Variants in SP4 observed in about 807,000 individuals in gnomAD.
SP4 encodes transcription factor Sp4.
SP4 carries 19 observed loss-of-function variants against 72.8 expected under a neutral mutation model. That is an observed-to-expected ratio of 0.26 (90% CI 0.18 to 0.38). The LOEUF (loss-of-function observed/expected upper bound fraction) is 0.38, where lower values mean the gene tolerates loss of function less well. Among genes scored for constraint, SP4 ranks in the 10% least tolerant of loss-of-function variants. The pLI, the probability that SP4 is intolerant of heterozygous loss-of-function variation, is 1.00. For missense variants in SP4, 1,008 were observed against 926.3 expected (o/e 1.09, Z -1.14); for synonymous variants, 395 against 333.1 (o/e 1.19, Z -2.02).
chr7:21,490,393 C>T (rs1022802993), intron 5 of SP4, among the ~76,000 whole-genome samples: 3 of 152,142 alleles, frequency 2.0e-5, no homozygotes, highest in Admixed American at 6.5e-5. Context: ...GCAGCTTAGG[C>T]ACCAAAAAAT....
At chr7:21,435,613 G>T (rs1160498256) in intron 3 of SP4, among the ~76,000 whole-genome samples, 2 of 152,074 alleles carry the variant, frequency 1.3e-5, no homozygotes, top group Non-Finnish European at 2.9e-5. Context: ...ATGTACTCCT[G>T]TGTTTGGCTA....
At chr7:21,447,949 G>A (rs1251754235) in intron 3 of SP4, among the ~76,000 whole-genome samples, 1 of 152,168 alleles carries the variant, frequency 6.6e-6, no homozygotes, top group African/African-American at 2.4e-5. Context: ...CTCCCAAAGT[G>A]CTGGGATTAC....
At chr7:21,510,059 C>T (rs909801614) in intron 5 of SP4, among the ~76,000 whole-genome samples, 2 of 152,180 alleles carry the variant, frequency 1.3e-5, no homozygotes, top group South Asian at 4.1e-4. Flanking sequence ...TTCTCAAGAA[C>T]AGTATGGGGA....
chr7:21,448,352 C>T (rs1022855930), intron 3 of SP4, among the ~76,000 whole-genome samples: 3 of 152,056 alleles, frequency 2.0e-5, no homozygotes, highest in Admixed American at 6.5e-5. Context: ...ATTAAGAATC[C>T]TACTGTTTTT....
intron 5 of SP4, among the ~76,000 whole-genome samples, chr7:21,488,419 T>C (rs928370573): frequency 2.0e-5 from 3 of 152,142 alleles, no homozygotes; most frequent in Admixed American, 6.5e-5. Flanking sequence ...TCCTTGACAA[T>C]TTATTTTCTA....
intron 3 of SP4, chr7:21,471,206 C>T: frequency 2.0e-6 from 1 of 500,638 alleles, no homozygotes; most frequent in South Asian, 1.5e-5. Context: ...ATGTACTATG[C>T]TAAGAAATAC....
chr7:21,493,956 G>T (rs115363356), intron 5 of SP4, among the ~76,000 whole-genome samples: 2 of 152,086 alleles, frequency 1.3e-5, no homozygotes, highest in Non-Finnish European at 2.9e-5. Context: ...GCATTGTTAC[G>T]TAGTACAGTT....
intron 3 of SP4, among the ~76,000 whole-genome samples, chr7:21,434,893 T>TA (rs1390306458): frequency 6.6e-5 from 10 of 152,282 alleles, no homozygotes; most frequent in Admixed American, 6.5e-4. Flanking sequence ...GCAGAAACCT[T>TA]ACTTTAAGCT....
At chr7:21,490,075 A>G (rs1226902536) in intron 5 of SP4, among the ~76,000 whole-genome samples, 1 of 152,258 alleles carries the variant, frequency 6.6e-6, no homozygotes. Context: ...TGACTACACT[A>G]AAAACTCTGG....
At chr7:21,487,449 A>G (rs1453702352) in intron 5 of SP4, among the ~76,000 whole-genome samples, 1 of 119,584 alleles carries the variant, frequency 8.4e-6, no homozygotes, top group Non-Finnish European at 1.7e-5. Context: ...TTTCTCTTAT[A>G]TCTTTTGTCT....
intron 3 of SP4, among the ~76,000 whole-genome samples, chr7:21,454,017 T>C (rs1177960766): frequency 1.3e-5 from 2 of 152,244 alleles, no homozygotes; most frequent in African/African-American, 4.8e-5. Context: ...TTTACTTACA[T>C]GTTTTACATG....
chr7:21,434,596 A>T (rs1472798798), intron 3 of SP4, among the ~76,000 whole-genome samples: 2 of 152,058 alleles, frequency 1.3e-5, no homozygotes, highest in Non-Finnish European at 2.9e-5. Context: ...TTAACTTAAA[A>T]TTTTTTTACT....
chr7:21,431,020 T>C (rs1200482870), intron 3 of SP4, among the ~76,000 whole-genome samples, 177 bp downstream of exon 3: 2 of 152,210 alleles, frequency 1.3e-5, no homozygotes, highest in Non-Finnish European at 2.9e-5. Flanking sequence ...ATGTGACATG[T>C]TCACTTTTGT....
At chr7:21,438,582 G>T (rs1583380004) in intron 3 of SP4, among the ~76,000 whole-genome samples, 1 of 151,742 alleles carries the variant, frequency 6.6e-6, no homozygotes, top group African/African-American at 2.4e-5. Context: ...ATATGCTTTA[G>T]TTCTGACACT....
intron 5 of SP4, among the ~76,000 whole-genome samples, chr7:21,500,290 C>G (rs1375824290): frequency 1.3e-5 from 2 of 152,150 alleles, no homozygotes; most frequent in East Asian, 3.8e-4. Context: ...ATTAGGTCAG[C>G]TATAATTTAT....
At chr7:21,498,502 G>C (rs1781781199) in intron 5 of SP4, among the ~76,000 whole-genome samples, 1 of 151,942 alleles carries the variant, frequency 6.6e-6, no homozygotes, top group South Asian at 2.1e-4. Flanking sequence ...GTGTAGGAGG[G>C]ACTGATAGAC....
At chr7:21,441,765 A>T (rs1942310340) in intron 3 of SP4, among the ~76,000 whole-genome samples, 1 of 152,198 alleles carries the variant, frequency 6.6e-6, no homozygotes. Flanking sequence ...CTTTTCTAGG[A>T]CCTACACTGG....
chr7:21,431,178 G>A (rs892334161), intron 3 of SP4, among the ~76,000 whole-genome samples: 8 of 152,306 alleles, frequency 5.3e-5, no homozygotes, highest in Non-Finnish European at 1.0e-4. Context: ...AACCCTAGTC[G>A]AAATGATATT....
chr7:21,471,384 C>T (rs1034715420), intron 3 of SP4, among the ~76,000 whole-genome samples: 4 of 152,162 alleles, frequency 2.6e-5, no homozygotes, highest in African/African-American at 9.7e-5. Flanking sequence ...GTAGACTTAA[C>T]AGGGACTTAT....
Sources: gnomAD v4.1 joint callset for allele counts (sites outside exome capture counted in the v4.1 genomes callset) on GRCh38, gnomAD v4.1.1 for gene constraint, MANE v1.5 for transcripts, NCBI Gene and HGNC (gene_info 2026-07-23, HGNC 2026-07-21) for gene names.